Variants in SDK1 observed in about 807,000 individuals in gnomAD.
SDK1 encodes the protein protein sidekick-1.
Under a neutral mutation model 245.5 loss-of-function variants are expected in SDK1, and 157 were observed. The ratio of observed to expected loss-of-function variants is 0.64; its 90% CI spans 0.56 to 0.73. SDK1 has a LOEUF of 0.73. Among genes scored for constraint, SDK1 ranks in the 30% least tolerant of loss-of-function variants. The pLI, the probability that SDK1 is intolerant of heterozygous loss-of-function variation, is 0.00. For missense variants in SDK1, 3,583 were observed against 3,002.3 expected (o/e 1.19, Z -4.52); for synonymous variants, 1,647 against 1,278.5 (o/e 1.29, Z -6.15).
intron 13 of SDK1, among the ~76,000 whole-genome samples, chr7:3,977,497 G>A (rs570221646): frequency 2.0e-5 from 3 of 152,224 alleles, no homozygotes; most frequent in Non-Finnish European, 4.4e-5. Context: ...TCAGGCATTG[G>A]AGCCTACGAC....
intron 22 of SDK1, among the ~76,000 whole-genome samples, chr7:4,082,235 TCTTA>T (rs1338566893): frequency 6.6e-6 from 1 of 152,030 alleles, no homozygotes; most frequent in Non-Finnish European, 1.5e-5. Flanking sequence ...TGCCTGTATG[TCTTA>T]CTTCAGTGAA....
chr7:3,781,552 A>G (rs1221437081), intron 4 of SDK1, among the ~76,000 whole-genome samples: 2 of 152,218 alleles, frequency 1.3e-5, no homozygotes, highest in Non-Finnish European at 2.9e-5. Context: ...GAAAACTAAT[A>G]AAGCTTCAAT....
At chr7:3,331,299 G>C (rs1780063282) in intron 1 of SDK1, among the ~76,000 whole-genome samples, 1 of 152,046 alleles carries the variant, frequency 6.6e-6, no homozygotes, top group Admixed American at 6.6e-5. Flanking sequence ...CCCAGTCTAT[G>C]GTGTTCTGTT....
At chr7:3,587,294 ACAGAACGTGTGTGTGTGTGTGTGTGTG>A (rs1780721667) in intron 1 of SDK1, among the ~76,000 whole-genome samples, 1 of 125,926 alleles carries the variant, frequency 7.9e-6, no homozygotes, top group African/African-American at 3.4e-5. Flanking sequence ...CTCCAGAGAA[ACAGAACGTGTGTGTGTGTGTGTGTGTG>A]TGTGTGTCTA....
intron 5 of SDK1, among the ~76,000 whole-genome samples, chr7:3,865,837 T>G (rs530718230): frequency 6.6e-6 from 1 of 152,328 alleles, no homozygotes; most frequent in South Asian, 2.1e-4. Context: ...TGGATTTTTC[T>G]TCTAAATAAC....
intron 22 of SDK1, among the ~76,000 whole-genome samples, chr7:4,096,430 T>G (rs1052131537): frequency 3.3e-5 from 5 of 152,046 alleles, no homozygotes; most frequent in African/African-American, 1.2e-4. Context: ...GGATGGTCAC[T>G]GAGAGCTGGC....
chr7:3,611,484 G>T (rs1300153151), intron 1 of SDK1, among the ~76,000 whole-genome samples: 14 of 152,146 alleles, frequency 9.2e-5, no homozygotes. Flanking sequence ...TCTCAGCTTA[G>T]CAGATAGAGG....
At position 4,265,201 on chromosome 7, in the gene SDK1, C is replaced by G; in HGVS notation, c.6459C>G (p.Tyr2153Ter). 1 of 1,611,874 alleles carries G rather than the reference C, an allele frequency of 6.2e-7. No homozygotes were observed. Among genetic ancestry groups the G allele is most frequent in the African/African-American group, 1.3e-5 (1 of 75,052 alleles). ...ACTACATGAGCGACCCCACCTACTA[C>G]AACTCATGGAAGCGCAGGGCCCAGG... ...VNHYMSDPTY[Y>*]NSWKRRAQGR... is the part of the protein sequence containing the mutation. The change falls in exon 45 of 45, where the codon TAC becomes TAG. Residue 2153 changes from tyrosine to a stop codon, truncating the protein, a stop_gained. Coordinates refer to ENST00000404826, the MANE Select transcript of SDK1 (RefSeq NM_152744.4). LOFTEE classifies it high-confidence loss of function.
intron 8 of SDK1, among the ~76,000 whole-genome samples, chr7:3,960,574 G>T (rs1413943431): frequency 1.3e-5 from 2 of 152,170 alleles, no homozygotes; most frequent in Admixed American, 6.5e-5. Flanking sequence ...ATCAGCCTCT[G>T]CCCACAGACC....
intron 35 of SDK1, among the ~76,000 whole-genome samples, chr7:4,192,889 A>C (rs539288854): frequency 9.0e-4 from 137 of 151,814 alleles, no homozygotes; most frequent in African/African-American, 3.2e-3. Flanking sequence ...ATAGAGGTTT[A>C]CAACATCATA....
At chr7:3,900,141 G>C (rs1286276632) in intron 5 of SDK1, among the ~76,000 whole-genome samples, 1 of 152,162 alleles carries the variant, frequency 6.6e-6, no homozygotes, top group African/African-American at 2.4e-5. Context: ...CCATGAACCT[G>C]AAGTTGGTGC....
intron 1 of SDK1, among the ~76,000 whole-genome samples, chr7:3,517,555 C>T (rs563983227): frequency 7.2e-5 from 11 of 152,270 alleles, no homozygotes; most frequent in Non-Finnish European, 1.3e-4. Context: ...TAGCCCACAA[C>T]GACTTAGGGA....
At chr7:3,315,108 C>T (rs1448594417) in intron 1 of SDK1, among the ~76,000 whole-genome samples, 1 of 152,108 alleles carries the variant, frequency 6.6e-6, no homozygotes, top group Non-Finnish European at 1.5e-5. Flanking sequence ...GTGGCTTTCA[C>T]AGTGGCTGAT....
At chr7:3,689,160 G>A (rs1784373164) in intron 4 of SDK1, among the ~76,000 whole-genome samples, 1 of 152,112 alleles carries the variant, frequency 6.6e-6, no homozygotes, top group African/African-American at 2.4e-5. Flanking sequence ...TTTGCTATCT[G>A]GCCCTTTACA....
At chr7:3,821,235 G>A (rs1779637957) in intron 4 of SDK1, among the ~76,000 whole-genome samples, 1 of 145,666 alleles carries the variant, frequency 6.9e-6, no homozygotes, top group African/African-American at 2.8e-5. Context: ...CACCCGGTAG[G>A]CTCAGACACT....
intron 1 of SDK1, among the ~76,000 whole-genome samples, chr7:3,324,860 T>C (rs79006487): frequency 1.3e-5 from 2 of 152,162 alleles, no homozygotes; most frequent in Admixed American, 6.5e-5. Context: ...TCTGAAAGTT[T>C]CTTACGTTTG....
In SDK1 at chr7:4,265,602, CTTT is replaced by C. The variant is rs1190125317; in HGVS notation, c.*221_*223del. On this transcript the variant is annotated 3_prime_UTR_variant, in exon 45 of 45. Coordinates refer to ENST00000404826, the MANE Select transcript of SDK1 (RefSeq NM_152744.4). The stretch of plus-strand genomic sequence containing the variant: ...TTCGCTGCAGGAAGCAGGTTTGTTT[CTTT>C]TTCTTTTCTTTTTAAGAGAAGGTGT... The C allele has an allele frequency of 8.2e-6, 11 of 1,338,184 alleles. No homozygotes were observed. The highest frequency in any genetic ancestry group is 9.5e-6 in the Non-Finnish European group (10 of 1,054,120). The allele number at this position is 1,338,184 out of a possible 1,614,324, so 82.9% of individuals were successfully genotyped here. A position where few individuals can be genotyped will look rare whatever the true frequency, so the allele number is the denominator to read the frequency against.
At chr7:4,240,110 G>A (rs1399737366) in intron 42 of SDK1, among the ~76,000 whole-genome samples, 1 of 152,140 alleles carries the variant, frequency 6.6e-6, no homozygotes, top group Non-Finnish European at 1.5e-5. Context: ...TACAGTGTAT[G>A]AATGGCGTGT....
Position 3,395,059 on chromosome 7 carries a change from C to G in SDK1, c.298+93175C>G, listed in dbSNP as rs140649433. ...GAATAGAGGAGATGAGAGTGGACAT[C>G]TGTGCCTTTTACCCTGTCTTAGAGG... On this transcript the variant is annotated intron_variant, in intron 1 of 44. Transcript: ENST00000404826. Among the ~76,000 whole-genome samples, 675 of 152,082 alleles carry G rather than the reference C, an allele frequency of 4.4e-3. 8 individuals carry two copies. The highest frequency in any genetic ancestry group is 0.015 in the African/African-American group (639 of 41,518).
Sources: gnomAD v4.1 joint callset for allele counts (sites outside exome capture counted in the v4.1 genomes callset) on GRCh38, gnomAD v4.1.1 for gene constraint, MANE v1.5 for transcripts, NCBI Gene and HGNC (gene_info 2026-07-23, HGNC 2026-07-21) for gene names.